Variants in PACSIN2 observed in about 807,000 individuals in gnomAD.
The protein encoded by PACSIN2 is protein kinase C and casein kinase substrate in neurons 2, also known as protein kinase C and casein kinase substrate in neurons protein 2.
In PACSIN2, 25 loss-of-function variants were observed where a neutral mutation model predicts 63.8. That is an observed-to-expected ratio of 0.39 (90% confidence interval 0.29 to 0.55). The LOEUF (loss-of-function observed/expected upper bound fraction) is 0.55, where lower values mean the gene tolerates loss of function less well. PACSIN2 is among the 20% of genes least tolerant of loss of function. The pLI is 0.62. For missense variants in PACSIN2, 518 were observed against 646.9 expected (o/e 0.80, Z 2.16); for synonymous variants, 255 against 256.2 (o/e 1.00, Z 0.05).
At position 42,881,877 on chromosome 22, in the gene PACSIN2, T is replaced by C. The variant is rs116027166; in HGVS notation, c.906+307A>G. Among the ~76,000 whole-genome samples the C allele has an allele frequency of 5.2e-3, 792 of 152,178 alleles. 4 individuals are homozygous for C. The highest frequency in any genetic ancestry group is 0.018 in the African/African-American group (755 of 41,494). On this transcript the variant is annotated intron_variant, in intron 7 of 10. Transcript: ENST00000263246. ...TCAGGGACCTGAGGTCCTGTGTGCC[T>C]ACGGCTCCTGAGACTGACTAGGAAG...
At chr22:43,003,463 C>T (rs1270480052) in intron 1 of PACSIN2, among the ~76,000 whole-genome samples, 3 of 152,094 alleles carry the variant, frequency 2.0e-5, no homozygotes, top group Admixed American at 6.5e-5. Context: ...ATTAGCTGGG[C>T]GTGGTGGCGG....
intron 2 of PACSIN2, among the ~76,000 whole-genome samples, chr22:42,902,691 A>G (rs4822224): frequency 0.45 from 68,795 of 151,880 alleles, 16,148 homozygotes; most frequent in African/African-American, 0.48. Flanking sequence ...TCGGCTCACC[A>G]CAACCTCTGC....
At chr22:42,899,412 C>T (rs775607607) in intron 2 of PACSIN2, among the ~76,000 whole-genome samples, 21 of 152,242 alleles carry the variant, frequency 1.4e-4, no homozygotes, top group African/African-American at 4.8e-4. Context: ...CTCGGCCTCC[C>T]GAGTAGCTGG....
intron 8 of PACSIN2, among the ~76,000 whole-genome samples, chr22:42,877,943 C>T (rs1928771005): frequency 6.6e-6 from 1 of 152,246 alleles, no homozygotes; most frequent in Non-Finnish European, 1.5e-5. Flanking sequence ...GACATGCCTC[C>T]AATGCCACCA....
chr22:42,919,740 T>A (rs2146741761), intron 1 of PACSIN2, among the ~76,000 whole-genome samples: 1 of 118,644 alleles, frequency 8.4e-6, no homozygotes, highest in Non-Finnish European at 1.6e-5. Context: ...ACCACTGTAC[T>A]CCAGCCTGGG....
At chr22:42,997,133 G>C (rs1367778093) in intron 1 of PACSIN2, among the ~76,000 whole-genome samples, 1 of 152,214 alleles carries the variant, frequency 6.6e-6, no homozygotes, top group Non-Finnish European at 1.5e-5. Context: ...ACACCAGGCT[G>C]GGGGTGTTTA....
In PACSIN2 at chr22:42,879,082, T is replaced by G; in HGVS notation, c.994A>C (p.Thr332Pro). 1.2e-6 allele frequency: 2 copies of G among 1,614,134 alleles called. No homozygotes were observed. The highest frequency in any genetic ancestry group is 1.7e-6 in the Non-Finnish European group (2 of 1,179,998). Residue 332 changes from threonine (T) to proline (P), a missense_variant, in exon 8 of 11, where the codon ACA (threonine) becomes CCA (proline). Thr to Pro is a conservative substitution (Grantham distance 38). This residue lies in a region of PACSIN2 where 507 missense variants were observed against 612.3 expected (regional missense o/e 0.83). Coordinates refer to ENST00000263246, the MANE Select transcript of PACSIN2 (RefSeq NM_001184970.3). ...DGVTLTGINQ[T>P]GDQSLPSKPS... ...TTACTCGGCAGAGACTGGTCGCCTG[T>G]CTGGTTGATGCCCGTCAGGGTGACG...
intron 1 of PACSIN2, chr22:43,002,230 A>C (rs1418949237): frequency 6.6e-6 from 1 of 152,164 alleles, no homozygotes; most frequent in East Asian, 1.9e-4. Flanking sequence ...TGCCTGGCAG[A>C]AAGAACCCTG....
At chr22:43,000,008 T>A (rs1923664893) in intron 1 of PACSIN2, among the ~76,000 whole-genome samples, 1 of 152,160 alleles carries the variant, frequency 6.6e-6, no homozygotes, top group South Asian at 2.1e-4. Flanking sequence ...AACAATCCTA[T>A]CATGATCCCC....
In PACSIN2 at chr22:43,004,732, A is replaced by C. The variant is rs187412126; in HGVS notation, c.-78+10289T>G. Among the ~76,000 whole-genome samples the C allele has an allele frequency of 4.6e-5, 7 of 152,220 alleles. No homozygotes were observed. The East Asian group carries it at 9.6e-4, about 21-fold the overall frequency. ...AGAAGATTTCATTTCATTCAATAGG[A>C]AACTTCAGAATACACAGTTGATCCT... On this transcript the variant is annotated intron_variant, in intron 1 of 10. Coordinates refer to ENST00000263246, the MANE Select transcript of PACSIN2 (RefSeq NM_001184970.3).
intron 1 of PACSIN2, among the ~76,000 whole-genome samples, chr22:42,963,266 G>T (rs1182082673): frequency 6.6e-6 from 1 of 152,230 alleles, no homozygotes; most frequent in Non-Finnish European, 1.5e-5. Flanking sequence ...TCTCGTGCTG[G>T]TTCTCCAAGA....
intron 7 of PACSIN2, among the ~76,000 whole-genome samples, chr22:42,880,971 G>A (rs1395658058): frequency 6.6e-6 from 1 of 152,242 alleles, no homozygotes; most frequent in Admixed American, 6.5e-5. Context: ...TGGCTCCAGA[G>A]GAGAGGCTGG....
intron 1 of PACSIN2, among the ~76,000 whole-genome samples, chr22:42,931,357 G>A (rs1932773888): frequency 6.6e-6 from 1 of 152,236 alleles, no homozygotes; most frequent in African/African-American, 2.4e-5. Context: ...ATTGTTGGAG[G>A]ACTGAAGTAG....
intron 2 of PACSIN2, chr22:42,909,685 A>G: frequency 2.3e-6 from 1 of 435,434 alleles, no homozygotes; most frequent in South Asian, 1.7e-5. Context: ...AACAGGGAGC[A>G]TAAGAGCTTA....
intron 1 of PACSIN2, among the ~76,000 whole-genome samples, chr22:43,012,431 G>C (rs1472457171): frequency 1.3e-5 from 2 of 151,904 alleles, no homozygotes; most frequent in African/African-American, 4.8e-5. Context: ...TCTCCCTGCA[G>C]AATGCTATGT....
chr22:42,873,077 A>T (rs1602157922), intron 10 of PACSIN2, among the ~76,000 whole-genome samples: 1 of 152,258 alleles, frequency 6.6e-6, no homozygotes, highest in Non-Finnish European at 1.5e-5. Context: ...ACTGGCTGGG[A>T]GCTAATTTTG....
chr22:42,905,541 C>G (rs1282653050), intron 2 of PACSIN2, among the ~76,000 whole-genome samples: 1 of 152,266 alleles, frequency 6.6e-6, no homozygotes, highest in African/African-American at 2.4e-5. Context: ...AGCAGGCCAT[C>G]ACTGCTGGCT....
intron 1 of PACSIN2, among the ~76,000 whole-genome samples, chr22:42,991,389 C>T (rs1365127991): frequency 3.9e-5 from 6 of 152,214 alleles, no homozygotes; most frequent in African/African-American, 1.4e-4. Context: ...TCCCACCTTT[C>T]TCAGCCTGAG....
At chr22:42,953,349 AAG>A (rs1371665093) in intron 1 of PACSIN2, among the ~76,000 whole-genome samples, 2 of 152,236 alleles carry the variant, frequency 1.3e-5, no homozygotes, top group Admixed American at 6.5e-5. Flanking sequence ...ATCAAAACAA[AAG>A]AGAGAATAAA....
Sources: allele counts gnomAD v4.1 joint callset (sites outside exome capture counted in the v4.1 genomes callset), GRCh38; gene constraint gnomAD v4.1.1; regional missense constraint gnomAD v4.1.1; transcripts MANE v1.5; gene names NCBI Gene and HGNC (gene_info 2026-07-23, HGNC 2026-07-21).